The following TRHDE variants were observed in gnomAD, a reference collection of about 807,000 sequenced individuals.
TRHDE encodes the protein thyrotropin releasing hormone degrading enzyme, also known as thyrotropin-releasing hormone-degrading ectoenzyme.
TRHDE carries 72 observed loss-of-function variants against 125.7 expected under a neutral mutation model. The ratio of observed to expected loss-of-function variants is 0.57; its 90% CI spans 0.47 to 0.70. TRHDE has a LOEUF of 0.70. Among genes scored for constraint, TRHDE ranks in the 30% least tolerant of loss-of-function variants. The pLI is 0.00. For missense variants in TRHDE, 1,110 were observed against 1,327.1 expected, an observed-to-expected ratio of 0.84 and a Z score of 2.54; for synonymous variants, 509 against 509.1, an observed-to-expected ratio of 1.00 and a Z score of 0.00.
At chr12:72,495,444 CT>C (rs1402475873) in intron 5 of TRHDE, among the ~76,000 whole-genome samples, 2 of 151,990 alleles carry the variant, frequency 1.3e-5, no homozygotes, top group African/African-American at 4.8e-5. Flanking sequence ...CAGATTTGCC[CT>C]TTTTTAGCTG....
intron 7 of TRHDE, among the ~76,000 whole-genome samples, chr12:72,545,100 C>A (rs550964935): frequency 2.4e-4 from 37 of 151,470 alleles, no homozygotes; most frequent in African/African-American, 8.9e-4. Context: ...AGCAAATTAG[C>A]TTCCATTTTA....
At chr12:72,098,840 T>G (rs1271634861) in intron 1 of TRHDE, among the ~76,000 whole-genome samples, 1 of 152,150 alleles carries the variant, frequency 6.6e-6, no homozygotes, top group Non-Finnish European at 1.5e-5. Context: ...GCAGAGGAAC[T>G]GCTGAGTCAA....
At chr12:72,389,972 A>G (rs1017973801) in intron 3 of TRHDE, among the ~76,000 whole-genome samples, 4 of 152,180 alleles carry the variant, frequency 2.6e-5, no homozygotes, top group African/African-American at 9.6e-5. Context: ...GATTCTGGAT[A>G]TATTTTAAAA....
intron 6 of TRHDE, among the ~76,000 whole-genome samples, chr12:72,533,651 T>C (rs1259100568): frequency 6.6e-6 from 1 of 151,820 alleles, no homozygotes; most frequent in Non-Finnish European, 1.5e-5. Context: ...AGCTTTGCTA[T>C]TTTATTAGTT....
chr12:72,384,919 C>A (rs1214208231), intron 3 of TRHDE, among the ~76,000 whole-genome samples: 1 of 151,658 alleles, frequency 6.6e-6, no homozygotes, highest in Non-Finnish European at 1.5e-5. Flanking sequence ...ACATTTTATC[C>A]TCTGTGGTTA....
chr12:72,258,624 T>C (rs1377394107), intron 2 of TRHDE, among the ~76,000 whole-genome samples: 1 of 152,198 alleles, frequency 6.6e-6, no homozygotes, highest in Non-Finnish European at 1.5e-5. Context: ...CTGAATATAC[T>C]TCTCCCAGAG....
intron 1 of TRHDE, among the ~76,000 whole-genome samples, chr12:72,091,622 C>A (rs958004846): frequency 6.6e-6 from 1 of 152,056 alleles, no homozygotes; most frequent in Non-Finnish European, 1.5e-5. Flanking sequence ...TTGTTGGAGG[C>A]CGAAAGACTG....
At chr12:72,159,686 C>T (rs1201931699) in intron 2 of TRHDE, among the ~76,000 whole-genome samples, 1 of 152,052 alleles carries the variant, frequency 6.6e-6, no homozygotes, top group Admixed American at 6.6e-5. Context: ...ACCTCTCTTG[C>T]TTTCACTTCA....
intron 2 of TRHDE, among the ~76,000 whole-genome samples, chr12:72,368,525 CT>C (rs1871435272): frequency 6.6e-6 from 1 of 152,108 alleles, no homozygotes. Context: ...TAGAACTTTT[CT>C]GAAGAGCCAA....
At chr12:72,376,735 A>C (rs1036708070) in intron 2 of TRHDE, among the ~76,000 whole-genome samples, 1 of 152,112 alleles carries the variant, frequency 6.6e-6, no homozygotes, top group Non-Finnish European at 1.5e-5. Context: ...TCATATAATC[A>C]ATTTTTATTA....
chr12:72,095,200 T>A (rs58437911), intron 1 of TRHDE, among the ~76,000 whole-genome samples: 8,279 of 152,278 alleles, frequency 0.054, 304 homozygotes, highest in South Asian at 0.12. Flanking sequence ...TCTCTAGCAG[T>A]GCAGTGTCAC....
intron 2 of TRHDE, among the ~76,000 whole-genome samples, chr12:72,128,889 A>T (rs1875787854): frequency 6.6e-6 from 1 of 152,170 alleles, no homozygotes; most frequent in Admixed American, 6.5e-5. Context: ...TGGCTGAAAA[A>T]TTTCCAAATT....
At chr12:72,111,466 G>A (rs1875313976) in intron 2 of TRHDE, among the ~76,000 whole-genome samples, 1 of 152,144 alleles carries the variant, frequency 6.6e-6, no homozygotes, top group Admixed American at 6.6e-5. Context: ...GAATGAAACA[G>A]CTCATTGTAC....
chr12:72,469,913 G>T lies in TRHDE; in HGVS notation c.1470+1G>T. On this transcript the variant is annotated splice_donor_variant, in intron 4 of 18. Transcript: ENST00000261180. LOFTEE classifies it high-confidence loss of function. ...CATTGTTCATGAGATATGTCACCAG[G>T]TATGAGAAAAAGAATCAGGTGTAAG... 6.2e-7 allele frequency: 1 copy of T among 1,613,226 alleles called. No individual in the cohort carries two copies. Among genetic ancestry groups the T allele is most frequent in the Non-Finnish European group, 8.5e-7 (1 of 1,179,738 alleles).
intron 2 of TRHDE, among the ~76,000 whole-genome samples, chr12:72,135,667 A>G (rs998771166): frequency 4.6e-5 from 7 of 151,618 alleles, no homozygotes; most frequent in African/African-American, 1.5e-4. Flanking sequence ...GTGATAAAAT[A>G]CAAGTGCCTT....
Position 72,668,064 on chromosome 12 carries a change from G to C in TRHDE, c.*4869G>C. 1 of 151,532 alleles carries C rather than the reference G, an allele frequency of 6.6e-6. No homozygotes were observed. Among genetic ancestry groups the C allele is most frequent in the Non-Finnish European group, 1.5e-5 (1 of 67,700 alleles). The allele number at this position is 151,532 out of a possible 1,614,324, so 9.4% of individuals were successfully genotyped here. A position where few individuals can be genotyped will look rare whatever the true frequency, so the allele number is the denominator to read the frequency against. On this transcript the variant is annotated 3_prime_UTR_variant, in exon 19 of 19. Coordinates refer to ENST00000261180, the MANE Select transcript of TRHDE (RefSeq NM_013381.3). ...AGTATATGTGAACTTATGAAAAAATGTTCTTGTAAATTATTCTAGAATCCC... is the reference window on the plus strand; with the variant it reads ...AGTATATGTGAACTTATGAAAAAATCTTCTTGTAAATTATTCTAGAATCCC...
Position 72,383,370 on chromosome 12 carries a change from A to ATTT in TRHDE, c.1315+5271_1315+5273dup, listed in dbSNP as rs552559387. ...GGCTTTGACCATTCCAACCCATTTAATTTTTTTTTTTTTTTTTTTTTTTTG... is the reference window on the plus strand; with the variant it reads ...GGCTTTGACCATTCCAACCCATTTAATTTTTTTTTTTTTTTTTTTTTTTTTTTG... On this transcript the variant is annotated intron_variant, in intron 3 of 18. Transcript: ENST00000261180. 5.9e-3 allele frequency among the ~76,000 whole-genome samples: 594 copies of ATTT among 100,842 alleles called. 2 individuals are homozygous for ATTT. Among genetic ancestry groups the ATTT allele is most frequent in the African/African-American group, 0.016 (375 of 23,546 alleles). 66.2% of individuals were successfully genotyped at this position (100,842 alleles called of 152,430 possible).
In TRHDE at chr12:72,241,013, G is replaced by A. The variant is rs114976683; in HGVS notation, n.279+135261G>A. Among the ~76,000 whole-genome samples the A allele has an allele frequency of 3.8e-3, 577 of 151,386 alleles. 5 individuals are homozygous for A. The highest frequency in any genetic ancestry group is 0.013 in the African/African-American group (518 of 41,320). On this transcript the variant is annotated intron_variant and non_coding_transcript_variant, in intron 2 of 4. Coordinates refer to the TRHDE transcript ENST00000548156. ...CTTACCTTCATTTGTCCATTATTGT[G>A]TGCCTATAGTGATCACTGGTGGTCG...
chr12:72,160,183 G>A (rs1301204188), intron 2 of TRHDE, among the ~76,000 whole-genome samples: 1 of 151,926 alleles, frequency 6.6e-6, no homozygotes, highest in Non-Finnish European at 1.5e-5. Context: ...AAGGTTTCTT[G>A]GCTGCCCTCC....
Sources: gnomAD v4.1 joint callset for allele counts (sites outside exome capture counted in the v4.1 genomes callset) on GRCh38, gnomAD v4.1.1 for gene constraint, MANE v1.5 for transcripts, NCBI Gene and HGNC (gene_info 2026-07-23, HGNC 2026-07-21) for gene names.